The following KDM8 variants were observed in gnomAD, a reference collection of about 807,000 sequenced individuals.
The protein encoded by KDM8 is bifunctional peptidase and arginyl-hydroxylase JMJD5.
In KDM8, 35 loss-of-function variants were observed where a neutral mutation model predicts 46.9. The ratio of observed to expected loss-of-function variants is 0.75; its 90% CI spans 0.57 to 0.99. The LOEUF (loss-of-function observed/expected upper bound fraction) is 0.99. KDM8 is among the 50% of genes least tolerant of loss of function. The pLI is 0.00. For missense variants in KDM8, 475 were observed against 537.0 expected (o/e 0.88, Z 1.14); for synonymous variants, 232 against 227.7 (o/e 1.02, Z -0.17).
chr16:27,220,901 G>A lies in KDM8; in HGVS notation c.*171G>A, dbSNP rs2083616537. 1.3e-6 allele frequency: 1 copy of A among 782,008 alleles called. No homozygotes were observed. The allele number at this position is 782,008 out of a possible 1,614,324, so 48.4% of individuals were successfully genotyped here. A position where few individuals can be genotyped will look rare whatever the true frequency, so the allele number is the denominator to read the frequency against. On this transcript the variant is annotated 3_prime_UTR_variant, in exon 8 of 8. Coordinates refer to ENST00000286096, the MANE Select transcript of KDM8 (RefSeq NM_024773.3). ...AGCTCCAGCACTGGACAGGCACAGA[G>A]CAGGGGCTGCCCAGGAAGGAGCACA...
Position 27,210,256 on chromosome 16 carries a change from G to A in KDM8, c.133G>A (p.Val45Met), listed in dbSNP as rs368028767. The change falls in exon 2 of 8, where the codon GTG becomes ATG. Residue 45 changes from valine (V) to methionine (M), a missense_variant. Val to Met is a conservative substitution (Grantham distance 21, BLOSUM62 1). Coordinates refer to ENST00000286096, the MANE Select transcript of KDM8 (RefSeq NM_024773.3). ...LDLGEKVERS[V>M]VTLLQRATEL... ...CCTCGGGGAGAAAGTGGAGAGGAGC[G>A]TGGTGACATTGTTGCAGCGAGCCAC... 5.3e-5 allele frequency: 86 copies of A among 1,613,114 alleles called. No homozygotes were observed. Among genetic ancestry groups the A allele is most frequent in the South Asian group, 2.6e-4 (24 of 91,092 alleles).
intron 3 of KDM8, chr16:27,214,592 G>A: frequency 2.6e-6 from 1 of 385,108 alleles, no homozygotes; most frequent in Non-Finnish European, 4.9e-6. Flanking sequence ...AGCAAAGAAA[G>A]AAGTGAGGAG....
At chr16:27,211,389 C>G (rs574227558) in intron 2 of KDM8, 57 of 351,422 alleles carry the variant, frequency 1.6e-4, no homozygotes, top group Non-Finnish European at 2.8e-4. Flanking sequence ...TCTCTCCCAC[C>G]CCTTGGGTCT....
intron 2 of KDM8, among the ~76,000 whole-genome samples, chr16:27,210,902 A>G (rs1320892123): frequency 6.6e-6 from 1 of 152,122 alleles, no homozygotes; most frequent in Non-Finnish European, 1.5e-5. Flanking sequence ...AGCTGGAACT[A>G]TGGGTGCATG....
intron 1 of KDM8, among the ~76,000 whole-genome samples, chr16:27,204,845 G>A (rs978443486): frequency 6.6e-6 from 1 of 152,138 alleles, no homozygotes; most frequent in African/African-American, 2.4e-5. Flanking sequence ...TGACCAACAT[G>A]GCGCAACCCC....
intron 2 of KDM8, chr16:27,211,057 G>A (rs1458117771): frequency 1.1e-5 from 5 of 441,534 alleles, no homozygotes; most frequent in Admixed American, 5.1e-5. Flanking sequence ...GAGATTACAG[G>A]TGTGAGCCAC....
chr16:27,214,973 G>A lies in KDM8; in HGVS notation c.763G>A (p.Val255Ile), dbSNP rs1302860984. The change falls in exon 4 of 8, where the codon GTC (valine) becomes ATC (isoleucine). Residue 255 changes from valine to isoleucine, a missense_variant. By Grantham distance (29) the Val-to-Ile change is conservative. Coordinates refer to ENST00000286096, the MANE Select transcript of KDM8 (RefSeq NM_024773.3). ...DEEWSQTLMT[V>I]NEFISKYIVN... The stretch of plus-strand genomic sequence containing the variant: ...GGAATGGTCCCAGACCCTCATGACG[G>A]TCAACGAGTTCATCAGCAAATACAT... 6.2e-7 allele frequency: 1 copy of A among 1,614,160 alleles called. No individual in the cohort carries two copies. Among genetic ancestry groups the A allele is most frequent in the Non-Finnish European group, 8.5e-7 (1 of 1,180,032 alleles).
At chr16:27,203,845 A>AT (rs2083399462) in intron 1 of KDM8, 3 of 430,180 alleles carry the variant, frequency 7.0e-6, no homozygotes, top group South Asian at 4.7e-5. Context: ...CTGCGGGAGG[A>AT]TAAAGGGAAA....
intron 4 of KDM8, 94 bp downstream of exon 4, chr16:27,215,102 T>C: frequency 6.8e-7 from 1 of 1,460,254 alleles, no homozygotes. Context: ...AATGGGAGGT[T>C]TTGGAGGAGC....
intron 2 of KDM8, 79 bp downstream of exon 2, chr16:27,210,700 C>T: frequency 1.1e-5 from 16 of 1,413,872 alleles, no homozygotes; most frequent in Non-Finnish European, 1.5e-5. Flanking sequence ...TCATCTCTCC[C>T]CTGGGGTGAG....
At chr16:27,211,749 G>C (rs2083486848) in intron 2 of KDM8, 1 of 152,184 alleles carries the variant, frequency 6.6e-6, no homozygotes, top group Admixed American at 6.5e-5. Context: ...CGCAATCTCA[G>C]CTCCCTGCAA....
chr16:27,218,144 C>T (rs1008027816), intron 5 of KDM8, among the ~76,000 whole-genome samples: 3 of 151,922 alleles, frequency 2.0e-5, no homozygotes, highest in Non-Finnish European at 4.4e-5. Flanking sequence ...TAGCCAGGCA[C>T]GGTGGCATGC....
intron 1 of KDM8, among the ~76,000 whole-genome samples, chr16:27,209,554 T>TGTGAAA (rs1483773295): frequency 1.3e-5 from 2 of 152,200 alleles, no homozygotes; most frequent in African/African-American, 2.4e-5. Flanking sequence ...AGCCTGGCAC[T>TGTGAAA]CCTGAGTGAC....
chr16:27,219,365 G>T (rs1166799992), intron 6 of KDM8, among the ~76,000 whole-genome samples: 1 of 152,226 alleles, frequency 6.6e-6, no homozygotes, highest in African/African-American at 2.4e-5. Context: ...TCGGGAGAGG[G>T]AGCGAGTGCT....
At chr16:27,209,185 T>C (rs946516862) in intron 1 of KDM8, among the ~76,000 whole-genome samples, 1 of 152,252 alleles carries the variant, frequency 6.6e-6, no homozygotes, top group Non-Finnish European at 1.5e-5. Flanking sequence ...AAGCCCTGCT[T>C]CTGCACAAAT....
chr16:27,215,692 T>G (rs1281273727), intron 4 of KDM8, among the ~76,000 whole-genome samples: 1 of 152,212 alleles, frequency 6.6e-6, no homozygotes, highest in African/African-American at 2.4e-5. Flanking sequence ...GCCTGCACTG[T>G]TTGTTGCCAT....
At chr16:27,205,967 A>G (rs1335970871) in intron 1 of KDM8, among the ~76,000 whole-genome samples, 2 of 152,232 alleles carry the variant, frequency 1.3e-5, no homozygotes, top group African/African-American at 4.8e-5. Context: ...TATGGCCCAC[A>G]TTTGGGTTAC....
chr16:27,206,742 C>T (rs1267818527), intron 1 of KDM8, among the ~76,000 whole-genome samples: 2 of 152,222 alleles, frequency 1.3e-5, no homozygotes, highest in Non-Finnish European at 2.9e-5. Flanking sequence ...GCTGATGAGC[C>T]TGGACCTGAG....
chr16:27,205,288 A>C (rs2083417071), intron 1 of KDM8, among the ~76,000 whole-genome samples: 1 of 152,246 alleles, frequency 6.6e-6, no homozygotes, highest in African/African-American at 2.4e-5. Flanking sequence ...ATCCAGGAGA[A>C]AAACCACTCA....
Sources: gnomAD v4.1 joint callset for allele counts (sites outside exome capture counted in the v4.1 genomes callset) on GRCh38, gnomAD v4.1.1 for gene constraint, MANE v1.5 for transcripts, NCBI Gene and HGNC (gene_info 2026-07-23, HGNC 2026-07-21) for gene names.